The following STS variants were observed in gnomAD, a reference collection of about 807,000 sequenced individuals.
STS encodes steroid sulfatase.
STS carries 7 observed loss-of-function variants against 26.8 expected under a neutral mutation model. That is an observed-to-expected ratio of 0.26 (90% CI 0.15 to 0.49). The LOEUF is 0.49. Ranked by LOEUF, STS falls within the 20% of genes least tolerant of loss-of-function variation. The probability of loss-of-function intolerance (pLI) is 0.98; values close to 1 mark genes in which losing one functional copy is unlikely to be tolerated. For synonymous variants in STS, 199 were observed against 189.4 expected (o/e 1.05, Z -0.42); for missense variants, 434 against 465.6 (o/e 0.93, Z 0.63).
intron 2 of STS, among the ~76,000 whole-genome samples, chrX:7,244,364 C>A (rs1300819476): frequency 8.9e-6 from 1 of 111,841 alleles, no homozygotes; most frequent in Non-Finnish European, 1.9e-5. Context: ...GTATGTTATA[C>A]CCGAGAAACA....
intron 2 of STS, among the ~76,000 whole-genome samples, chrX:7,245,470 G>A (rs1461254442): frequency 8.9e-6 from 1 of 111,918 alleles, no homozygotes; most frequent in East Asian, 2.8e-4. Context: ...CTGCTCACAT[G>A]GTGTCTACAG....
intron 2 of STS, chrX:7,252,119 C>T (rs1271506971): frequency 1.4e-5 from 2 of 143,561 alleles, no homozygotes; most frequent in African/African-American, 3.2e-5. Flanking sequence ...AATTTCTCCC[C>T]GGGCCAGTGA....
chrX:7,158,484 A>C (rs1413203553), intron 1 of STS, among the ~76,000 whole-genome samples: 1 of 111,906 alleles, frequency 8.9e-6, no homozygotes. Context: ...CAAGAACTTA[A>C]GAAAATGCCC....
intron 2 of STS, among the ~76,000 whole-genome samples, chrX:7,204,236 A>G (rs756119933): frequency 6.3e-5 from 7 of 111,877 alleles, no homozygotes; most frequent in Non-Finnish European, 1.3e-4. Context: ...TTTTTCTTCA[A>G]GTCTCCTACT....
At chrX:7,196,481 C>T (rs751233363) in intron 2 of STS, among the ~76,000 whole-genome samples, 6 of 103,412 alleles carry the variant, frequency 5.8e-5, no homozygotes, top group African/African-American at 1.8e-4. Flanking sequence ...TGTGGGGTGA[C>T]GTATTCTTGT....
intron 8 of STS, among the ~76,000 whole-genome samples, chrX:7,319,961 A>G (rs1378489502): frequency 1.1e-5 from 1 of 92,180 alleles, no homozygotes; most frequent in Non-Finnish European, 2.0e-5. Context: ...ATATTTATAT[A>G]TATATTTTAT....
chrX:7,269,217 G>A (rs1009511696), intron 6 of STS, among the ~76,000 whole-genome samples: 2 of 93,070 alleles, frequency 2.1e-5, no homozygotes, highest in Non-Finnish European at 4.2e-5. Context: ...TGAGCATATT[G>A]TAACAATACA....
At chrX:7,277,111 C>G (rs1478198873) in intron 7 of STS, among the ~76,000 whole-genome samples, 1 of 111,428 alleles carries the variant, frequency 9.0e-6, no homozygotes. Context: ...CCAGTCCACT[C>G]GGAACTTCTC....
intron 2 of STS, among the ~76,000 whole-genome samples, chrX:7,212,153 G>A (rs1242334628): frequency 8.9e-6 from 1 of 111,956 alleles, no homozygotes; most frequent in Non-Finnish European, 1.9e-5. Flanking sequence ...AGAAGGGGAT[G>A]TGGTTATTAA....
At chrX:7,157,491 G>A (rs1933159611) in intron 1 of STS, among the ~76,000 whole-genome samples, 1 of 111,816 alleles carries the variant, frequency 8.9e-6, no homozygotes, top group African/African-American at 3.3e-5. Context: ...GTTCAACTCT[G>A]AACAATTTCA....
chrX:7,218,518 C>A (rs1257861875), intron 2 of STS, among the ~76,000 whole-genome samples: 2 of 112,210 alleles, frequency 1.8e-5, no homozygotes, highest in African/African-American at 6.5e-5. Context: ...CTTTTAACAT[C>A]TATGTAATGC....
Position 7,257,559 on chromosome X carries a change from A to G in STS, c.353A>G (p.Lys118Arg), listed in dbSNP as rs1223177226. 1 of 1,210,661 alleles carries G rather than the reference A, an allele frequency of 8.3e-7. No homozygotes were observed. Among genetic ancestry groups the G allele is most frequent in the Non-Finnish European group, 1.1e-6 (1 of 895,280 alleles). Residue 118 changes from lysine (K) to arginine (R), a missense_variant, in exon 5 of 11, where the codon AAG (lysine) becomes AGG (arginine). This residue lies in a region of STS where 229 missense variants were observed against 288.3 expected (regional missense o/e 0.79). Coordinates refer to ENST00000674429, the MANE Select transcript of STS (RefSeq NM_001320752.2). ...TDEITFAKLL[K>R]DQGYSTALIG... ...GAGATTACCTTTGCTAAGCTTCTGA[A>G]GGATCAAGGTTATTCAACAGCACTG...
intron 1 of STS, among the ~76,000 whole-genome samples, chrX:7,154,560 G>T (rs1399075249): frequency 8.9e-6 from 1 of 112,327 alleles, no homozygotes; most frequent in Non-Finnish European, 1.9e-5. Flanking sequence ...TAGAAATAAA[G>T]AAATGGAGCT....
chrX:7,251,272 G>A (rs954374370), intron 2 of STS, among the ~76,000 whole-genome samples: 7 of 111,831 alleles, frequency 6.3e-5, no homozygotes, highest in African/African-American at 2.3e-4. Context: ...AGACTCTGCA[G>A]AAAGAGAGAC....
intron 7 of STS, among the ~76,000 whole-genome samples, chrX:7,291,911 C>G (rs1390425724): frequency 8.9e-6 from 1 of 112,026 alleles, no homozygotes; most frequent in Non-Finnish European, 1.9e-5. Context: ...CCTGTGCCGA[C>G]AATAGCTATT....
rs1228301284 is a variant in STS at position 7,354,455 on chromosome X, A to G, written c.*4194A>G. 1 of 111,766 alleles carries G rather than the reference A, an allele frequency of 8.9e-6. No homozygotes were observed. The highest frequency in any genetic ancestry group is 3.3e-5 in the African/African-American group (1 of 30,720). The allele number at this position is 111,766 out of a possible 1,213,427, so 9.2% of individuals were successfully genotyped here. A position where few individuals can be genotyped will look rare whatever the true frequency, so the allele number is the denominator to read the frequency against. The stretch of plus-strand genomic sequence containing the variant: ...TTTTTCTTTGACATCATTCATGACA[A>G]CATGAAACCTATTGGGACAGCATGA... On this transcript the variant is annotated 3_prime_UTR_variant, in exon 11 of 11. Coordinates refer to ENST00000674429, the MANE Select transcript of STS (RefSeq NM_001320752.2).
intron 10 of STS, among the ~76,000 whole-genome samples, chrX:7,340,776 CT>C (rs1928247685): frequency 8.9e-6 from 1 of 112,317 alleles, no homozygotes; most frequent in African/African-American, 3.2e-5. Flanking sequence ...TTTCAAGCGG[CT>C]TTTCCACCTC....
intron 2 of STS, among the ~76,000 whole-genome samples, chrX:7,200,966 A>ATGGG (rs1156961041): frequency 9.0e-6 from 1 of 110,885 alleles, no homozygotes; most frequent in Non-Finnish European, 1.9e-5. Context: ...GGATGGATGG[A>ATGGG]TGGATGGATG....
chrX:7,348,952 T>C (rs1433161137), intron 10 of STS, among the ~76,000 whole-genome samples: 1 of 110,631 alleles, frequency 9.0e-6, no homozygotes, highest in African/African-American at 3.3e-5. Flanking sequence ...TTCTTTTTTA[T>C]TTTTGTTTAT....
Sources: gnomAD v4.1 joint callset for allele counts (sites outside exome capture counted in the v4.1 genomes callset) on GRCh38, gnomAD v4.1.1 for gene constraint, gnomAD v4.1.1 regional missense constraint, MANE v1.5 for transcripts, NCBI Gene and HGNC (gene_info 2026-07-23, HGNC 2026-07-21) for gene names.